RBMS3: variants seen among roughly 807,000 people sequenced by gnomAD.
RBMS3 encodes the protein RNA-binding motif, single-stranded-interacting protein 3.
Under a neutral mutation model 66.8 loss-of-function variants are expected in RBMS3, and 27 were observed. The ratio of observed to expected loss-of-function variants is 0.40; its 90% confidence interval spans 0.30 to 0.56. RBMS3 has a LOEUF of 0.56. Among genes scored for constraint, RBMS3 ranks in the 20% least tolerant of loss-of-function variants. RBMS3 has a pLI of 0.40. For missense variants in RBMS3, 513 were observed against 549.5 expected, an observed-to-expected ratio of 0.93 and a Z score of 0.66; for synonymous variants, 188 against 183.0, an observed-to-expected ratio of 1.03 and a Z score of -0.22.
At chr3:29,778,781 G>A (rs979299069) in intron 6 of RBMS3, among the ~76,000 whole-genome samples, 2 of 151,830 alleles carry the variant, frequency 1.3e-5, no homozygotes, top group African/African-American at 4.8e-5. Context: ...ATTGGCTATG[G>A]ATTAAATACA....
At chr3:29,991,893 G>C (rs1256892601) in intron 14 of RBMS3, among the ~76,000 whole-genome samples, 1 of 151,992 alleles carries the variant, frequency 6.6e-6, no homozygotes, top group Non-Finnish European at 1.5e-5. Flanking sequence ...TATAAAATAT[G>C]GTCTTATTCA....
chr3:29,970,456 C>T (rs1315292319), intron 12 of RBMS3, among the ~76,000 whole-genome samples: 2 of 151,908 alleles, frequency 1.3e-5, no homozygotes, highest in Non-Finnish European at 2.9e-5. Context: ...TATTTTTTTT[C>T]GAAGCTAATT....
At chr3:29,332,308 T>C (rs1045128025) in intron 1 of RBMS3, among the ~76,000 whole-genome samples, 2 of 152,188 alleles carry the variant, frequency 1.3e-5, no homozygotes, top group Non-Finnish European at 2.9e-5. Flanking sequence ...GAAACAGTCA[T>C]GAACATTCTC....
chr3:29,590,654 T>C (rs1543929), intron 4 of RBMS3, among the ~76,000 whole-genome samples: 22,784 of 152,048 alleles, frequency 0.15, 1,972 homozygotes, highest in East Asian at 0.32. Context: ...TGGCTGTTAC[T>C]GTTCTTGGCA....
intron 1 of RBMS3, among the ~76,000 whole-genome samples, chr3:29,305,352 G>GAGC (rs1368522677): frequency 6.6e-6 from 1 of 151,856 alleles, no homozygotes; most frequent in Non-Finnish European, 1.5e-5. Flanking sequence ...AGGTCTACAA[G>GAGC]AGCAGATATC....
At chr3:29,779,935 G>T (rs1015090156) in intron 6 of RBMS3, among the ~76,000 whole-genome samples, 8 of 150,864 alleles carry the variant, frequency 5.3e-5, no homozygotes, top group African/African-American at 1.9e-4. Context: ...TCAGTGTAAG[G>T]GTTAAGCACA....
intron 4 of RBMS3, among the ~76,000 whole-genome samples, chr3:29,657,364 C>T (rs74448504): frequency 0.02 from 3,090 of 152,248 alleles, 41 homozygotes; most frequent in Admixed American, 0.029. Flanking sequence ...ACTATTTTGA[C>T]GGGTGCTTTT....
chr3:29,519,464 A>G (rs2044768192), intron 3 of RBMS3, among the ~76,000 whole-genome samples: 1 of 152,184 alleles, frequency 6.6e-6, no homozygotes, highest in African/African-American at 2.4e-5. Context: ...ATATAAAAGG[A>G]GCAAAAAATA....
At chr3:29,637,283 G>A (rs1457640) in intron 4 of RBMS3, among the ~76,000 whole-genome samples, 123,050 of 151,724 alleles carry the variant, frequency 0.81, 50,314 homozygotes, top group African/African-American at 0.91. Flanking sequence ...TTTCTTGGTG[G>A]TTTTAGGTTG....
intron 3 of RBMS3, among the ~76,000 whole-genome samples, chr3:29,511,484 T>C (rs1036097652): frequency 2.6e-5 from 4 of 152,156 alleles, no homozygotes; most frequent in Non-Finnish European, 5.9e-5. Flanking sequence ...GTTTTACTTT[T>C]CCATGGTATT....
chr3:29,295,285 A>ATATATATACATATATATC (rs2033153181), intron 1 of RBMS3, among the ~76,000 whole-genome samples: 1 of 50,526 alleles, frequency 2.0e-5, no homozygotes, highest in East Asian at 3.5e-4. Flanking sequence ...ATATATATAT[A>ATATATATACATATATATC]TATATATATA....
chr3:29,769,179 G>A (rs1001939515), intron 6 of RBMS3, among the ~76,000 whole-genome samples: 3 of 151,658 alleles, frequency 2.0e-5, no homozygotes, highest in Non-Finnish European at 2.9e-5. Flanking sequence ...TTTAGCAAGA[G>A]AGGTATGGAA....
chr3:29,770,362 A>G (rs2056145672), intron 6 of RBMS3, among the ~76,000 whole-genome samples: 1 of 152,044 alleles, frequency 6.6e-6, no homozygotes, highest in Non-Finnish European at 1.5e-5. Context: ...ATAATATTAT[A>G]TAACATACTC....
chr3:29,453,286 G>C (rs1471190911), intron 2 of RBMS3, among the ~76,000 whole-genome samples: 1 of 152,182 alleles, frequency 6.6e-6, no homozygotes, highest in Non-Finnish European at 1.5e-5. Flanking sequence ...GGGACTTAGG[G>C]CTTCCACAGG....
intron 1 of RBMS3, among the ~76,000 whole-genome samples, chr3:29,363,783 C>T (rs116152647): frequency 7.4e-6 from 1 of 134,788 alleles, no homozygotes; most frequent in African/African-American, 2.8e-5. Flanking sequence ...GAGTGAGACT[C>T]TGTCTCAAAA....
intron 7 of RBMS3, among the ~76,000 whole-genome samples, chr3:29,871,435 G>A (rs1048883369): frequency 6.6e-6 from 1 of 152,170 alleles, no homozygotes; most frequent in East Asian, 1.9e-4. Context: ...TGTCATGACT[G>A]AGACAAGTAA....
intron 4 of RBMS3, among the ~76,000 whole-genome samples, chr3:29,693,878 T>C (rs557550320): frequency 4.6e-5 from 7 of 152,366 alleles, no homozygotes; most frequent in Non-Finnish European, 7.3e-5. Flanking sequence ...ACTACTCTTG[T>C]TTTGTTCTTT....
rs115473363 is a variant in RBMS3 at position 29,792,264 on chromosome 3, T to A, written c.637+29275T>A. Among the ~76,000 whole-genome samples the A allele has an allele frequency of 5.1e-3, 772 of 152,334 alleles. 4 individuals carry two copies. Among genetic ancestry groups the A allele is most frequent in the African/African-American group, 0.018 (755 of 41,576 alleles). On this transcript the variant is annotated intron_variant, in intron 6 of 14. Transcript: ENST00000383767. ...TCCCTGCTTCAGTCCATAATTGTCATTCATTTTTTATTGCCTCAATTCCAG... is the reference window on the plus strand; with the variant it reads ...TCCCTGCTTCAGTCCATAATTGTCAATCATTTTTTATTGCCTCAATTCCAG...
intron 3 of RBMS3, among the ~76,000 whole-genome samples, chr3:29,514,650 C>CATAT (rs10601940): frequency 0.018 from 1,840 of 103,612 alleles, 43 homozygotes; most frequent in East Asian, 0.044. Context: ...GTGATAGGCA[C>CATAT]ATATATATAT....
Sources: gnomAD v4.1 joint callset for allele counts (sites outside exome capture counted in the v4.1 genomes callset) on GRCh38, gnomAD v4.1.1 for gene constraint, MANE v1.5 for transcripts, NCBI Gene and HGNC (gene_info 2026-07-23, HGNC 2026-07-21) for gene names.